MFSD12: variants seen among roughly 807,000 people sequenced by gnomAD.
The protein encoded by MFSD12 is major facilitator superfamily domain containing 12, also known as major facilitator superfamily domain-containing protein 12.
MFSD12 carries 67 observed loss-of-function variants against 51.2 expected under a neutral mutation model. The observed-to-expected ratio is 1.31, with a 90% confidence interval of 1.08 to 1.60. The LOEUF (loss-of-function observed/expected upper bound fraction) is 1.60, where lower values mean the gene tolerates loss of function less well. Among genes scored for constraint, MFSD12 ranks in the 40% most tolerant of loss-of-function variants. MFSD12 has a pLI of 0.00. For synonymous variants in MFSD12, 441 were observed against 316.7 expected, an observed-to-expected ratio of 1.39 and a Z score of -4.17; for missense variants, 921 against 673.0, an observed-to-expected ratio of 1.37 and a Z score of -4.08.
Position 3,557,220 on chromosome 19 carries a change from G to C in MFSD12, c.184C>G (p.Leu62Val), listed in dbSNP as rs1599844961. ...AYSSRGAGLL[L>V]LLGQVADGLC... is the part of the protein sequence containing the mutation. ...CCGTCGGCCACCTGGCCCAGCAGCA[G>C]CAGCAGCCCCGCGCCGCGGGAGCTG... The change falls in exon 1 of 10, where the codon CTG becomes GTG. Residue 62 changes from leucine (L) to valine (V), a missense_variant. By Grantham distance (32) the Leu-to-Val change is conservative. Transcript: ENST00000355415. 1.9e-6 allele frequency: 3 copies of C among 1,586,198 alleles called. No homozygotes were observed. Among genetic ancestry groups the C allele is most frequent in the Non-Finnish European group, 2.6e-6 (3 of 1,168,634 alleles).
At position 3,544,717 on chromosome 19, in the gene MFSD12, C is replaced by G. The variant is rs185575155; in HGVS notation, c.1436G>C (p.Arg479Pro). The G allele has an allele frequency of 1.4e-6, 2 of 1,455,854 alleles. No homozygotes were observed. Among genetic ancestry groups the G allele is most frequent in the Admixed American group, 1.8e-5 (1 of 54,348 alleles). The allele number at this position is 1,455,854 out of a possible 1,614,324, so 90.2% of individuals were successfully genotyped here. A position where few individuals can be genotyped will look rare whatever the true frequency, so the allele number is the denominator to read the frequency against. ...GCAGGAGGCTGTCAGGAGTCAGGGCCGGGCATCACGGTCCCCTGCAAGGGA... is the reference window on the plus strand; with the variant it reads ...GCAGGAGGCTGTCAGGAGTCAGGGCGGGGCATCACGGTCCCCTGCAAGGGA... ...TRLRRWDRDA[R>P]P is the part of the protein sequence containing the mutation. Residue 479 changes from arginine to proline, a missense_variant, in exon 10 of 10, where the codon CGG becomes CCG. Physicochemically the swap from Arg to Pro is moderately radical, Grantham distance 103 (BLOSUM62 -2). Transcript: ENST00000355415.
At chr19:3,538,403 A>G in exon 5 of MFSD12, 1 of 263,248 alleles carries the variant, frequency 3.8e-6, no homozygotes, top group South Asian at 3.6e-5. Flanking sequence ...CTCATCACCC[A>G]GAAGGCAGCC....
rs774844470 is a variant in MFSD12 at position 3,557,235 on chromosome 19, C to T, written c.169G>A (p.Gly57Ser). Residue 57 changes from glycine to serine, a missense_variant, in exon 1 of 10, where the codon GGC becomes AGC. Coordinates refer to ENST00000355415, the MANE Select transcript of MFSD12 (RefSeq NM_174983.5). ...CCCAGCAGCAGCAGCAGCCCCGCGC[C>T]GCGGGAGCTGTAGGCGCGCACCGAG... ...LHSVRAYSSR[G>S]AGLLLLLGQV... 2 of 1,592,124 alleles carry T rather than the reference C, an allele frequency of 1.3e-6. No individual in the cohort carries two copies. The highest frequency in any genetic ancestry group is 1.1e-5 in the South Asian group (1 of 87,714).
chr19:3,547,220 T>C (rs1774197469), intron 6 of MFSD12, 52 bp downstream of exon 6: 2 of 1,512,522 alleles, frequency 1.3e-6, no homozygotes, highest in East Asian at 2.3e-5. Context: ...GGATCTCGGC[T>C]GCAGGGCACC....
Position 3,544,232 on chromosome 19 carries a change from C to T in MFSD12, c.*478G>A. 4 of 1,333,248 alleles carry T rather than the reference C, an allele frequency of 3.0e-6. No individual in the cohort carries two copies. In the South Asian group the frequency reaches 8.5e-5, roughly 28 times the overall value. 82.6% of individuals were successfully genotyped at this position (1,333,248 alleles called of 1,614,324 possible). On this transcript the variant is annotated 3_prime_UTR_variant, in exon 10 of 10. Transcript: ENST00000355415. ...TCTCTTTATTTGCTGCCAGCAGAGTCCACCAAGCCTGCCGGGCAGCCCTGC... is the reference window on the plus strand; with the variant it reads ...TCTCTTTATTTGCTGCCAGCAGAGTTCACCAAGCCTGCCGGGCAGCCCTGC...
intron 6 of MFSD12, among the ~76,000 whole-genome samples, chr19:3,546,767 T>C (rs1277162564): frequency 6.6e-6 from 1 of 152,192 alleles, no homozygotes; most frequent in Non-Finnish European, 1.5e-5. Context: ...CAGAGCTCCA[T>C]GGCTGCGAGT....
At chr19:3,550,892 C>T (rs993206744) in intron 2 of MFSD12, 92 bp downstream of exon 2, 28 of 1,072,066 alleles carry the variant, frequency 2.6e-5, no homozygotes, top group East Asian at 5.1e-5. Flanking sequence ...CTCGAGCTGC[C>T]GAGTCTGTGG....
rs558265905 is a variant in MFSD12 at position 3,547,297 on chromosome 19, G to A, written c.998C>T (p.Pro333Leu). 854 of 1,613,298 alleles carry A rather than the reference G, an allele frequency of 5.3e-4. 9 individuals are homozygous for A. The South Asian group carries it at 9.0e-3, about 17-fold the overall frequency. ...SGFLSSFLMK[P>L]INKCIGRNMT... is the part of the protein sequence containing the mutation. ...GTTCCTCCCAATGCACTTGTTGATG[G>A]GCTTCATGAGGAAGGAGGACAAGAA... The change falls in exon 6 of 10, where the codon CCC (proline) becomes CTC (leucine). Residue 333 changes from proline (P) to leucine (L), a missense_variant. By Grantham distance (98) the Pro-to-Leu change is moderately conservative. Coordinates refer to ENST00000355415, the MANE Select transcript of MFSD12 (RefSeq NM_174983.5).
In MFSD12 at chr19:3,557,297, G is replaced by C; in HGVS notation, c.107C>G (p.Ala36Gly). 1.3e-6 allele frequency: 2 copies of C among 1,594,282 alleles called. No homozygotes were observed. Among genetic ancestry groups the C allele is most frequent in the Non-Finnish European group, 1.7e-6 (2 of 1,171,996 alleles). ...CAGCAGGTAGGTGAACCACATGGACGCGCACAGGTCGTTGAGGAAGTGGCC... is the reference window on the plus strand; with the variant it reads ...CAGCAGGTAGGTGAACCACATGGACCCGCACAGGTCGTTGAGGAAGTGGCC... ...AVGHFLNDLC[A>G]SMWFTYLLLY... Residue 36 changes from alanine to glycine, a missense_variant, in exon 1 of 10, where the codon GCG becomes GGG. Coordinates refer to ENST00000355415, the MANE Select transcript of MFSD12 (RefSeq NM_174983.5).
At chr19:3,556,853 C>G (rs2031748298) in intron 1 of MFSD12, among the ~76,000 whole-genome samples, 1 of 150,762 alleles carries the variant, frequency 6.6e-6, no homozygotes, top group Non-Finnish European at 1.5e-5. Context: ...CACAGACAGA[C>G]AGACAGGGGA....
At position 3,546,311 on chromosome 19, in the gene MFSD12, C is replaced by G; in HGVS notation, c.1138G>C (p.Ala380Pro). 1 of 1,609,436 alleles carries G rather than the reference C, an allele frequency of 6.2e-7. No individual in the cohort carries two copies. Among genetic ancestry groups the G allele is most frequent in the Non-Finnish European group, 8.5e-7 (1 of 1,178,722 alleles). Residue 380 changes from alanine to proline, a missense_variant, in exon 7 of 10, where the codon GCC (alanine) becomes CCC (proline). Coordinates refer to ENST00000355415, the MANE Select transcript of MFSD12 (RefSeq NM_174983.5). ...AAAVLLGAGC[A>P]TILVTSLAMT... ...GCCAGCGAGGTGACGAGGATGGTGG[C>G]ACAGCCAGCACCCAGCAGCACAGCC...
downstream of MFSD12, chr19:3,540,075 G>C (rs972753814): frequency 2.0e-5 from 3 of 148,160 alleles, no homozygotes; most frequent in African/African-American, 7.4e-5. Flanking sequence ...AACATAGTGA[G>C]ACCCATCTCT....
intron 8 of MFSD12, among the ~76,000 whole-genome samples, chr19:3,545,152 T>G (rs73527942): frequency 0.071 from 10,818 of 152,086 alleles, 1,109 homozygotes; most frequent in African/African-American, 0.23. Context: ...ATCCACCATG[T>G]CTCCCCTTCC....
Position 3,546,243 on chromosome 19 carries a change from T to C in MFSD12, c.1194+12A>G. On this transcript the variant is annotated intron_variant, in intron 7 of 9. Transcript: ENST00000355415. ...CCGGCCTCCCCCACCCCAGCCTGGC[T>C]ACCAGCCCTACCGTGTGGGGACCGA... 1.2e-6 allele frequency: 2 copies of C among 1,607,352 alleles called. No individual in the cohort carries two copies. Among genetic ancestry groups the C allele is most frequent in the Non-Finnish European group, 1.7e-6 (2 of 1,176,260 alleles).
chr19:3,550,960 G>T (rs1172826272), intron 2 of MFSD12, 24 bp downstream of exon 2: 3 of 1,599,788 alleles, frequency 1.9e-6, no homozygotes, highest in Non-Finnish European at 1.7e-6. Flanking sequence ...CCCTGCCCGT[G>T]GGGGAGGGTG....
At chr19:3,545,200 G>C (rs898092511) in intron 8 of MFSD12, among the ~76,000 whole-genome samples, 1 of 152,122 alleles carries the variant, frequency 6.6e-6, no homozygotes, top group East Asian at 1.9e-4. Context: ...TGGCCCGCCT[G>C]CACCCGCCCC....
At chr19:3,540,595 G>C (rs1320205361), downstream of MFSD12, among the ~76,000 whole-genome samples, 1 of 151,716 alleles carries the variant, frequency 6.6e-6, no homozygotes, top group Non-Finnish European at 1.5e-5. Flanking sequence ...AAATCAGCCA[G>C]GCAGCCAGGC....
At position 3,544,554 on chromosome 19, in the gene MFSD12, G is replaced by T. The variant is rs546623039; in HGVS notation, c.*156C>A. On this transcript the variant is annotated 3_prime_UTR_variant, in exon 10 of 10. Transcript: ENST00000355415. Reference sequence around the variant, plus strand: ...CAAGTCCCTGGCGGGCATCCCTGCTGCCCTCACCCGACCCCACCCCCGGGA... The same window carrying T: ...CAAGTCCCTGGCGGGCATCCCTGCTTCCCTCACCCGACCCCACCCCCGGGA... The T allele has an allele frequency of 3.1e-5, 45 of 1,435,520 alleles. No individual in the cohort carries two copies. In the African/African-American group the frequency reaches 5.3e-4, roughly 17 times the overall value. 88.9% of individuals were successfully genotyped at this position (1,435,520 alleles called of 1,614,324 possible). A position where few individuals can be genotyped will look rare whatever the true frequency, so the allele number is the denominator to read the frequency against.
At chr19:3,545,326 G>A (rs2030906400) in intron 8 of MFSD12, among the ~76,000 whole-genome samples, 1 of 152,170 alleles carries the variant, frequency 6.6e-6, no homozygotes, top group African/African-American at 2.4e-5. Flanking sequence ...CTCTCTGTGA[G>A]TCCCACTGTC....
Sources: allele counts gnomAD v4.1 joint callset (sites outside exome capture counted in the v4.1 genomes callset), GRCh38; gene constraint gnomAD v4.1.1; transcripts MANE v1.5; gene names NCBI Gene and HGNC (gene_info 2026-07-23, HGNC 2026-07-21).